NAV2: variants seen among roughly 807,000 people sequenced by gnomAD.
NAV2 encodes neuron navigator 2.
A neutral mutation model predicts 223.2 loss-of-function variants in NAV2; 54 were observed. That is an observed-to-expected ratio of 0.24 (90% CI 0.19 to 0.30). The LOEUF is 0.30. Ranked by LOEUF, NAV2 falls within the 10% of genes least tolerant of loss-of-function variation. The probability of loss-of-function intolerance (pLI) is 1.00; values close to 1 mark genes in which losing one functional copy is unlikely to be tolerated. For synonymous variants in NAV2, 1,279 were observed against 1,239.3 expected (o/e 1.03, Z -0.67); for missense variants, 2,806 against 3,147.5 (o/e 0.89, Z 2.60).
intron 1 of NAV2, among the ~76,000 whole-genome samples, chr11:19,554,558 A>G (rs1296550142): frequency 6.6e-6 from 1 of 152,202 alleles, no homozygotes; most frequent in African/African-American, 2.4e-5. Flanking sequence ...TTTGTGTTCT[A>G]GCTCTGCTGT....
At chr11:19,864,858 C>G (rs2061994372) in intron 3 of NAV2, among the ~76,000 whole-genome samples, 1 of 152,198 alleles carries the variant, frequency 6.6e-6, no homozygotes. Context: ...ATCCTTCACT[C>G]AACACCTCTC....
intron 1 of NAV2, among the ~76,000 whole-genome samples, chr11:19,411,845 G>T (rs1466853278): frequency 6.6e-6 from 1 of 152,156 alleles, no homozygotes; most frequent in Non-Finnish European, 1.5e-5. Context: ...CTGCACTGGG[G>T]AGTAAATGTC....
chr11:19,595,716 G>A (rs2046188472), intron 1 of NAV2, among the ~76,000 whole-genome samples: 1 of 102,898 alleles, frequency 9.7e-6, no homozygotes, highest in South Asian at 4.7e-4. Context: ...CACCATGAAG[G>A]CTAATTAAAA....
At chr11:19,615,944 CT>C (rs1281681619) in intron 1 of NAV2, among the ~76,000 whole-genome samples, 1 of 152,154 alleles carries the variant, frequency 6.6e-6, no homozygotes, top group Non-Finnish European at 1.5e-5. Flanking sequence ...GCCCCTACCC[CT>C]AACCCTGTAA....
chr11:19,942,142 G>C (rs184767094), intron 8 of NAV2, among the ~76,000 whole-genome samples: 112 of 152,332 alleles, frequency 7.4e-4, no homozygotes, highest in Non-Finnish European at 1.4e-3. Context: ...GCTCCCTGCT[G>C]TTTCCACTGG....
At chr11:19,353,295 C>G (rs976470825) in intron 1 of NAV2, among the ~76,000 whole-genome samples, 2 of 152,198 alleles carry the variant, frequency 1.3e-5, no homozygotes, top group African/African-American at 4.8e-5. Context: ...TTCCCAATGT[C>G]CCAAGAGGAA....
At chr11:19,381,224 A>G (rs756865466) in intron 1 of NAV2, among the ~76,000 whole-genome samples, 1 of 152,062 alleles carries the variant, frequency 6.6e-6, no homozygotes, top group Admixed American at 6.5e-5. Flanking sequence ...TTATCACTCT[A>G]TACCTTCTCT....
At chr11:19,537,874 G>T (rs965752641) in intron 1 of NAV2, among the ~76,000 whole-genome samples, 1 of 152,208 alleles carries the variant, frequency 6.6e-6, no homozygotes, top group African/African-American at 2.4e-5. Flanking sequence ...AATAGCACCT[G>T]CCTCATAGGA....
chr11:20,079,727 G>C lies in NAV2; in HGVS notation c.5180-337G>C, dbSNP rs368039171. ...AGGAGCCCAGAGAGCAGGAGAGGGAGGGGGCTAGCAATGAAGGTGCCAACT... is the reference window on the plus strand; with the variant it reads ...AGGAGCCCAGAGAGCAGGAGAGGGACGGGGCTAGCAATGAAGGTGCCAACT... On this transcript the variant is annotated intron_variant, in intron 24 of 37. Transcript: ENST00000349880. Among the ~76,000 whole-genome samples the C allele has an allele frequency of 5.3e-5, 8 of 152,276 alleles. No homozygotes were observed. The South Asian group carries it at 1.7e-3, about 32-fold the overall frequency.
chr11:20,088,459 G>C (rs2060600857), intron 26 of NAV2, among the ~76,000 whole-genome samples: 1 of 152,232 alleles, frequency 6.6e-6, no homozygotes, highest in South Asian at 2.1e-4. Flanking sequence ...ACAGGCGTGA[G>C]CCGCCAACCC....
chr11:19,780,730 G>T (rs2056665289), intron 1 of NAV2, among the ~76,000 whole-genome samples: 1 of 152,238 alleles, frequency 6.6e-6, no homozygotes, highest in Non-Finnish European at 1.5e-5. Context: ...TCTGCAATTA[G>T]TTGGTGGTCA....
At chr11:20,055,043 A>T (rs973518489) in intron 18 of NAV2, among the ~76,000 whole-genome samples, 1 of 152,212 alleles carries the variant, frequency 6.6e-6, no homozygotes, top group Non-Finnish European at 1.5e-5. Context: ...TGAAGGACTG[A>T]TAGAGGGTGA....
chr11:19,362,452 A>G (rs1389121365), intron 1 of NAV2, among the ~76,000 whole-genome samples: 1 of 152,206 alleles, frequency 6.6e-6, no homozygotes, highest in Non-Finnish European at 1.5e-5. Context: ...TCTAATACCC[A>G]TTGAAATAAA....
intron 13 of NAV2, among the ~76,000 whole-genome samples, chr11:20,044,480 C>T (rs758250772): frequency 2.6e-5 from 4 of 152,224 alleles, no homozygotes; most frequent in Non-Finnish European, 5.9e-5. Context: ...GATGGTTCGG[C>T]TGCTGAGACA....
chr11:19,552,051 T>C (rs1188098147), intron 1 of NAV2, among the ~76,000 whole-genome samples: 1 of 152,104 alleles, frequency 6.6e-6, no homozygotes, highest in Non-Finnish European at 1.5e-5. Context: ...AGTGAATTAT[T>C]GATGAGGCCT....
chr11:19,777,106 C>T (rs1320828010), intron 1 of NAV2, among the ~76,000 whole-genome samples: 1 of 129,510 alleles, frequency 7.7e-6, no homozygotes, highest in Non-Finnish European at 1.7e-5. Context: ...CCCCCCCCCA[C>T]CCCGCCCTCG....
At chr11:19,681,477 T>C (rs557044583) in intron 1 of NAV2, among the ~76,000 whole-genome samples, 3 of 152,344 alleles carry the variant, frequency 2.0e-5, no homozygotes, top group Admixed American at 1.3e-4. Context: ...CTGTGTGAAA[T>C]GGCTAGCTGA....
intron 1 of NAV2, among the ~76,000 whole-genome samples, chr11:19,548,277 A>G (rs571904568): frequency 6.6e-6 from 1 of 152,348 alleles, no homozygotes; most frequent in East Asian, 1.9e-4. Context: ...GTCAAAGGAA[A>G]ATCAGACGAA....
intron 1 of NAV2, among the ~76,000 whole-genome samples, chr11:19,457,026 T>C (rs997426141): frequency 1.3e-5 from 2 of 152,236 alleles, no homozygotes; most frequent in African/African-American, 4.8e-5. Context: ...AGTTAACCTA[T>C]TAGATCTTTT....
Sources: allele counts gnomAD v4.1 joint callset (sites outside exome capture counted in the v4.1 genomes callset), GRCh38; gene constraint gnomAD v4.1.1; transcripts MANE v1.5; gene names NCBI Gene and HGNC (gene_info 2026-07-23, HGNC 2026-07-21).